MYO6: variants seen among roughly 807,000 people sequenced by gnomAD.
The protein encoded by MYO6 is unconventional myosin-VI.
Under a neutral mutation model 178.7 loss-of-function variants are expected in MYO6, and 74 were observed. That is an observed-to-expected ratio of 0.41 (90% CI 0.34 to 0.50). The LOEUF is 0.50. Ranked by LOEUF, MYO6 falls within the 20% of genes least tolerant of loss-of-function variation. MYO6 has a pLI of 0.09. For missense variants in MYO6, 1,330 were observed against 1,547.4 expected (o/e 0.86, Z 2.36); for synonymous variants, 477 against 504.6 (o/e 0.95, Z 0.73).
At chr6:75,910,270 T>C (rs77554581) in intron 32 of MYO6, among the ~76,000 whole-genome samples, 3,294 of 152,332 alleles carry the variant, frequency 0.022, 57 homozygotes, top group Middle Eastern at 0.058. Flanking sequence ...TTACTAACTT[T>C]AGCTTGACAG....
At position 75,817,637 on chromosome 6, in the gene MYO6, A is replaced by G. The variant is rs960147629; in HGVS notation, c.90A>G (p.Thr30=). 5 of 1,614,180 alleles carry G rather than the reference A, an allele frequency of 3.1e-6. No individual in the cohort carries two copies. The highest frequency in any genetic ancestry group is 4.2e-6 in the Non-Finnish European group (5 of 1,180,008). The change falls in exon 2 of 35, where the codon ACA becomes ACG. Residue 30 remains threonine (T), a synonymous_variant. Coordinates refer to ENST00000369977, the MANE Select transcript of MYO6 (RefSeq NM_004999.4). The stretch of plus-strand genomic sequence containing the variant: ...TGGATATTGGCCCCGACAGCTTAAC[A>G]ATTGAACCCTTGAATCAGAAAGGCA... ...NIVDIGPDSL[T]IEPLNQKGKT...
intron 17 of MYO6, 60 bp downstream of exon 17, chr6:75,866,681 G>GA (rs1407067655): frequency 7.3e-7 from 1 of 1,371,974 alleles, no homozygotes; most frequent in Non-Finnish European, 1.0e-6. Context: ...TGTACAGTAT[G>GA]ATAGCTTCTA....
At chr6:75,818,402 C>CT (rs960213853) in intron 2 of MYO6, among the ~76,000 whole-genome samples, 2 of 152,116 alleles carry the variant, frequency 1.3e-5, no homozygotes, top group African/African-American at 4.8e-5. Flanking sequence ...GAAATAATCT[C>CT]TTTTTATTCT....
chr6:75,750,657 C>T (rs1303402007), intron 1 of MYO6, among the ~76,000 whole-genome samples: 1 of 151,118 alleles, frequency 6.6e-6, no homozygotes, highest in Non-Finnish European at 1.5e-5. Flanking sequence ...CAGCTCACTG[C>T]AACCTCCACC....
Position 75,895,241 on chromosome 6 carries a change from A to T in MYO6, c.3118A>T (p.Thr1040Ser), listed in dbSNP as rs1234078057. 1 of 1,606,824 alleles carries T rather than the reference A, an allele frequency of 6.2e-7. No homozygotes were observed. Among genetic ancestry groups the T allele is most frequent in the Admixed American group, 1.7e-5 (1 of 59,966 alleles). ...ATATTCTTTTCACAGAAATGATGGA[A>T]CAAGACCCAAAATGACACCGTATGT... ...ADLALRRNDG[T>S]RPKMTPEQMA... is the part of the protein sequence containing the mutation. Residue 1040 changes from threonine to serine, a missense_variant, in exon 29 of 35, where the codon ACA becomes TCA. By Grantham distance (58) the Thr-to-Ser change is moderately conservative. This residue lies in a region of MYO6 where 601 missense variants were observed against 626.1 expected (regional missense o/e 0.96). Coordinates refer to ENST00000369977, the MANE Select transcript of MYO6 (RefSeq NM_004999.4).
chr6:75,819,230 G>GT (rs1370522097), intron 2 of MYO6, among the ~76,000 whole-genome samples: 1 of 151,966 alleles, frequency 6.6e-6, no homozygotes, highest in African/African-American at 2.4e-5. Flanking sequence ...TTTCCACAAA[G>GT]TTTTTTTTGA....
intron 1 of MYO6, among the ~76,000 whole-genome samples, chr6:75,778,622 G>A (rs912880886): frequency 2.9e-4 from 44 of 151,690 alleles, no homozygotes; most frequent in Middle Eastern, 3.4e-3. Context: ...TTTTTTTTCT[G>A]CCTTTTTCTA....
At position 75,821,624 on chromosome 6, in the gene MYO6, T is replaced by TACACACAC. The variant is rs3839376; in HGVS notation, c.118-1150_118-1143dup. 7.6e-4 allele frequency among the ~76,000 whole-genome samples: 115 copies of TACACACAC among 151,004 alleles called. 1 individual carries two copies. Among genetic ancestry groups the TACACACAC allele is most frequent in the South Asian group, 2.9e-3 (14 of 4,766 alleles). ...ATTTTACTCATTATAGTTGTAGCTT[T>TACACACAC]ACACACACACACACAAACACACACA... On this transcript the variant is annotated intron_variant, in intron 2 of 34. Transcript: ENST00000369977.
intron 33 of MYO6, among the ~76,000 whole-genome samples, chr6:75,912,146 A>G (rs913522292): frequency 2.0e-5 from 3 of 152,042 alleles, no homozygotes; most frequent in East Asian, 1.9e-4. Context: ...TAAAGGTTTA[A>G]TAATGATACC....
intron 20 of MYO6, among the ~76,000 whole-genome samples, chr6:75,878,488 G>T (rs1209159955): frequency 6.6e-6 from 1 of 152,162 alleles, no homozygotes; most frequent in African/African-American, 2.4e-5. Flanking sequence ...GAATGCATCT[G>T]TGTGTTTTCC....
At chr6:75,835,455 G>A (rs961002541) in intron 6 of MYO6, among the ~76,000 whole-genome samples, 1 of 151,772 alleles carries the variant, frequency 6.6e-6, no homozygotes, top group Non-Finnish European at 1.5e-5. Flanking sequence ...TTTTTGAAAC[G>A]GAGTCTCACT....
chr6:75,828,322 C>A (rs1160337576), intron 3 of MYO6, among the ~76,000 whole-genome samples: 1 of 152,030 alleles, frequency 6.6e-6, no homozygotes, highest in Non-Finnish European at 1.5e-5. Flanking sequence ...GTTGAAAATT[C>A]ATTACTTAAA....
In MYO6 at chr6:75,907,614, T is replaced by C; in HGVS notation, c.3186T>C (p.Ala1062=). Reference sequence around the variant, plus strand: ...TGTGTAATAATTACAGAGGTCCTGCTGTACTAGCCACCAAAGCAGCTGCTG... The same window carrying C: ...TGTGTAATAATTACAGAGGTCCTGCCGTACTAGCCACCAAAGCAGCTGCTG... ...EMSEFLSRGP[A]VLATKAAAGT... The change falls in exon 31 of 35, where the codon GCT becomes GCC. Residue 1062 remains alanine (A), a synonymous_variant. Transcript: ENST00000369977. 6.2e-7 allele frequency: 1 copy of C among 1,612,596 alleles called. No homozygotes were observed. The highest frequency in any genetic ancestry group is 1.1e-5 in the South Asian group (1 of 91,070).
At chr6:75,833,388 G>A (rs930666471) in intron 6 of MYO6, among the ~76,000 whole-genome samples, 1 of 152,184 alleles carries the variant, frequency 6.6e-6, no homozygotes, top group Non-Finnish European at 1.5e-5. Flanking sequence ...TATTCACGTT[G>A]TTGTGCAGCC....
At chr6:75,815,750 G>A (rs893736128) in intron 1 of MYO6, among the ~76,000 whole-genome samples, 5 of 152,190 alleles carry the variant, frequency 3.3e-5, no homozygotes, top group Admixed American at 3.3e-4. Flanking sequence ...TATGCCAAAC[G>A]TCCTTGACTT....
chr6:75,781,877 C>T (rs868319570), intron 1 of MYO6, among the ~76,000 whole-genome samples: 13 of 143,350 alleles, frequency 9.1e-5, no homozygotes, highest in African/African-American at 2.6e-4. Context: ...GAGATCGCGC[C>T]ACTGTACTCC....
At chr6:75,804,655 C>T (rs1769823260) in intron 1 of MYO6, among the ~76,000 whole-genome samples, 1 of 151,996 alleles carries the variant, frequency 6.6e-6, no homozygotes, top group Admixed American at 6.6e-5. Context: ...TTTATACCCC[C>T]AACACCTGGC....
At chr6:75,759,069 C>T (rs1461803380) in intron 1 of MYO6, among the ~76,000 whole-genome samples, 1 of 151,800 alleles carries the variant, frequency 6.6e-6, no homozygotes, top group East Asian at 1.9e-4. Flanking sequence ...GGGGTTTCAC[C>T]ATGTTGGCCA....
chr6:75,803,608 A>T (rs1769709825), intron 1 of MYO6, among the ~76,000 whole-genome samples: 1 of 152,138 alleles, frequency 6.6e-6, no homozygotes, highest in African/African-American at 2.4e-5. Context: ...GTAAATATTC[A>T]TTGAAAAAAA....
Sources: allele counts gnomAD v4.1 joint callset (sites outside exome capture counted in the v4.1 genomes callset), GRCh38; gene constraint gnomAD v4.1.1; regional missense constraint gnomAD v4.1.1; transcripts MANE v1.5; gene names NCBI Gene and HGNC (gene_info 2026-07-23, HGNC 2026-07-21).